The following PCDH15 variants were observed in gnomAD, a reference collection of about 807,000 sequenced individuals.
PCDH15 encodes the protein protocadherin related 15, also known as protocadherin-15.
A neutral mutation model predicts 178.5 loss-of-function variants in PCDH15; 129 were observed. The ratio of observed to expected loss-of-function variants is 0.72; its 90% CI spans 0.63 to 0.84. The LOEUF (loss-of-function observed/expected upper bound fraction) is 0.84. Among genes scored for constraint, PCDH15 ranks in the 40% least tolerant of loss-of-function variants. The pLI, the probability that PCDH15 is intolerant of heterozygous loss-of-function variation, is 0.00. For synonymous variants in PCDH15, 800 were observed against 732.0 expected (o/e 1.09, Z -1.50); for missense variants, 2,230 against 2,099.9 (o/e 1.06, Z -1.21).
rs147000938 is a variant in PCDH15, at chr10:55,315,453, TAC to T, written c.-156+4144_-156+4145del. On this transcript the variant is annotated intron_variant, in intron 1 of 5. Transcript: ENST00000458638. ...CAAAGATATAAATTATAGGCAAAGTTACACAGTTTATTAATAGTCTATATTGT... is the reference window on the plus strand; with the variant it reads ...CAAAGATATAAATTATAGGCAAAGTTACAGTTTATTAATAGTCTATATTGT... Among the ~76,000 whole-genome samples, 61 of 152,268 alleles carry T rather than the reference TAC, an allele frequency of 4.0e-4. No individual in the cohort carries two copies. The East Asian group carries it at 0.011, about 28-fold the overall frequency.
intron 26 of PCDH15, among the ~76,000 whole-genome samples, chr10:53,878,431 T>TA (rs1303221413): frequency 1.2e-5 from 1 of 80,430 alleles, no homozygotes; most frequent in Non-Finnish European, 2.8e-5. Context: ...TGAATATATA[T>TA]ATATATCTCC....
intron 8 of PCDH15, among the ~76,000 whole-genome samples, chr10:54,245,258 A>G (rs1591391830): frequency 6.6e-6 from 1 of 152,330 alleles, no homozygotes. Flanking sequence ...GTAAAAGAAC[A>G]TACATTTTTA....
chr10:55,026,448 G>C (rs942320632), intron 2 of PCDH15, among the ~76,000 whole-genome samples: 2 of 151,810 alleles, frequency 1.3e-5, no homozygotes, highest in Non-Finnish European at 2.9e-5. Context: ...TTTTCCTACT[G>C]GTTTTCAGAT....
At chr10:55,619,174 G>A (rs79474638) in intron 2 of PCDH15, among the ~76,000 whole-genome samples, 8,978 of 152,028 alleles carry the variant, frequency 0.059, 594 homozygotes, top group East Asian at 0.32. Flanking sequence ...ACTAAAAGCA[G>A]CAATTCTTTC....
chr10:55,099,775 T>C (rs973124704), intron 2 of PCDH15, among the ~76,000 whole-genome samples: 2 of 151,238 alleles, frequency 1.3e-5, no homozygotes, highest in Non-Finnish European at 2.9e-5. Flanking sequence ...AAAAGCAAAC[T>C]TGACTGCCAA....
intron 3 of PCDH15, among the ~76,000 whole-genome samples, chr10:54,853,107 A>G (rs1291254346): frequency 2.0e-5 from 3 of 149,934 alleles, no homozygotes; most frequent in African/African-American, 7.3e-5. Context: ...CTAAAAATAC[A>G]AAAGTAGCTG....
chr10:54,616,840 C>T lies in PCDH15; in HGVS notation c.91+47332G>A, dbSNP rs567104334. Reference sequence around the variant, plus strand: ...CATTATATATTCTTCCTTCTTGTTACTAATTTCTTTGGATGCCCGCTTTTA... The same window carrying T: ...CATTATATATTCTTCCTTCTTGTTATTAATTTCTTTGGATGCCCGCTTTTA... On this transcript the variant is annotated intron_variant, in intron 2 of 37. Transcript: ENST00000644397. 4.2e-4 allele frequency among the ~76,000 whole-genome samples: 64 copies of T among 152,098 alleles called. 1 individual carries two copies. Among genetic ancestry groups the T allele is most frequent in the African/African-American group, 1.5e-3 (61 of 41,514 alleles).
chr10:53,932,792 T>C (rs1188663882), intron 25 of PCDH15, among the ~76,000 whole-genome samples: 4 of 152,154 alleles, frequency 2.6e-5, no homozygotes, highest in Non-Finnish European at 5.9e-5. Context: ...AGATGGGCAA[T>C]CACTGAGACA....
intron 1 of PCDH15, among the ~76,000 whole-genome samples, chr10:54,740,970 T>C (rs898611859): frequency 2.0e-5 from 3 of 151,992 alleles, no homozygotes; most frequent in African/African-American, 7.2e-5. Flanking sequence ...AGCAGGAGTA[T>C]AGCTAACAAT....
Position 54,046,298 on chromosome 10 carries a change from T to C in PCDH15, c.2220+20459A>G, listed in dbSNP as rs530998339. On this transcript the variant is annotated intron_variant, in intron 18 of 37. Transcript: ENST00000644397. ...ATTGAATAGACACATGTTCATAACA[T>C]AGAGAAACTCAGGCACATGAGCGCC... Among the ~76,000 whole-genome samples the C allele has an allele frequency of 3.3e-5, 5 of 152,258 alleles. No homozygotes were observed. In the South Asian group the frequency reaches 6.2e-4, roughly 19 times the overall value.
chr10:54,546,737 C>G (rs2085899464), intron 2 of PCDH15, among the ~76,000 whole-genome samples: 1 of 152,114 alleles, frequency 6.6e-6, no homozygotes, highest in Admixed American at 6.5e-5. Flanking sequence ...ATTGGATATG[C>G]CTTGTTATCA....
chr10:54,245,283 A>G (rs1183087968), intron 8 of PCDH15, among the ~76,000 whole-genome samples: 1 of 152,208 alleles, frequency 6.6e-6, no homozygotes, highest in Non-Finnish European at 1.5e-5. Flanking sequence ...AGATAAATGA[A>G]GCAAAGTAAT....
intron 6 of PCDH15, among the ~76,000 whole-genome samples, 160 bp downstream of exon 6, chr10:54,346,205 T>C (rs544444432): frequency 2.0e-5 from 3 of 152,314 alleles, no homozygotes; most frequent in Admixed American, 6.5e-5. Context: ...CAATAAAGCA[T>C]AAATATTACA....
chr10:54,140,177 A>G (rs370156181), intron 14 of PCDH15, among the ~76,000 whole-genome samples: 1 of 152,296 alleles, frequency 6.6e-6, no homozygotes, highest in East Asian at 1.9e-4. Flanking sequence ...ATTATTGTAA[A>G]GAAATACATT....
chr10:54,739,871 C>G (rs1168094807), intron 1 of PCDH15, among the ~76,000 whole-genome samples: 1 of 151,944 alleles, frequency 6.6e-6, no homozygotes, highest in Non-Finnish European at 1.5e-5. Context: ...TTACTACATA[C>G]AAAAATCAAA....
At chr10:54,636,841 C>T (rs1196808817) in intron 2 of PCDH15, among the ~76,000 whole-genome samples, 4 of 151,570 alleles carry the variant, frequency 2.6e-5, no homozygotes, top group Non-Finnish European at 5.9e-5. Context: ...ATACCATTGC[C>T]CTATTATTTT....
intron 3 of PCDH15, among the ~76,000 whole-genome samples, chr10:54,406,789 G>C (rs1414925059): frequency 1.3e-5 from 2 of 152,048 alleles, no homozygotes; most frequent in African/African-American, 4.8e-5. Context: ...AAGAGTAAAA[G>C]GCCAAACTAC....
intron 3 of PCDH15, among the ~76,000 whole-genome samples, chr10:54,516,848 T>A (rs2082278359): frequency 6.6e-6 from 1 of 152,012 alleles, no homozygotes; most frequent in Admixed American, 6.6e-5. Context: ...CTCATCAGAG[T>A]AACAGCAGAT....
intron 15 of PCDH15, among the ~76,000 whole-genome samples, chr10:54,098,447 T>C (rs1281983467): frequency 6.6e-6 from 1 of 152,146 alleles, no homozygotes; most frequent in South Asian, 2.1e-4. Context: ...GAATAAACTA[T>C]ATGAAACCAG....
Sources: allele counts gnomAD v4.1 joint callset (sites outside exome capture counted in the v4.1 genomes callset), GRCh38; gene constraint gnomAD v4.1.1; transcripts MANE v1.5; gene names NCBI Gene and HGNC (gene_info 2026-07-23, HGNC 2026-07-21).